CNTNAP5: variants seen among roughly 807,000 people sequenced by gnomAD.
CNTNAP5 encodes the protein contactin associated protein family member 5, also known as contactin-associated protein-like 5.
Under a neutral mutation model 150.2 loss-of-function variants are expected in CNTNAP5, and 72 were observed. The ratio of observed to expected loss-of-function variants is 0.48; its 90% CI spans 0.40 to 0.58. CNTNAP5 has a LOEUF of 0.58. Ranked by LOEUF, CNTNAP5 falls within the 20% of genes least tolerant of loss-of-function variation. The pLI is 0.00. For synonymous variants in CNTNAP5, 672 were observed against 619.8 expected (o/e 1.08, Z -1.25); for missense variants, 1,636 against 1,626.2 (o/e 1.01, Z -0.10).
chr2:124,326,339 A>G (rs1207202412), intron 3 of CNTNAP5, among the ~76,000 whole-genome samples: 1 of 152,210 alleles, frequency 6.6e-6, no homozygotes, highest in Non-Finnish European at 1.5e-5. Flanking sequence ...TTTTTCAGCC[A>G]AGATCTTCTG....
At chr2:124,798,383 C>A in intron 19 of CNTNAP5, 63 bp downstream of exon 19, 1 of 1,159,388 alleles carries the variant, frequency 8.6e-7, no homozygotes, top group Non-Finnish European at 1.3e-6. Context: ...GGTGCATGCC[C>A]TCCAGAACTC....
intron 7 of CNTNAP5, among the ~76,000 whole-genome samples, chr2:124,500,731 T>A (rs1694258767): frequency 6.6e-6 from 1 of 150,970 alleles, no homozygotes; most frequent in South Asian, 2.1e-4. Flanking sequence ...TAGGGGCAAA[T>A]GTCTACTCCA....
chr2:124,727,950 T>G (rs1573577181), intron 13 of CNTNAP5, among the ~76,000 whole-genome samples: 1 of 152,092 alleles, frequency 6.6e-6, no homozygotes, highest in Non-Finnish European at 1.5e-5. Context: ...GTTAGTCATA[T>G]ATGACCTTTA....
chr2:124,681,421 C>A (rs1679066820), intron 13 of CNTNAP5, among the ~76,000 whole-genome samples: 1 of 151,908 alleles, frequency 6.6e-6, no homozygotes, highest in African/African-American at 2.4e-5. Flanking sequence ...GTGTTCATGG[C>A]TGTTGCTGGT....
intron 13 of CNTNAP5, among the ~76,000 whole-genome samples, chr2:124,713,309 T>TTC (rs1558746882): frequency 8.6e-4 from 70 of 81,588 alleles, no homozygotes; most frequent in Admixed American, 1.9e-3. Flanking sequence ...TTCTTCTTTC[T>TTC]CTTTCTTTCC....
Position 124,255,850 on chromosome 2 carries a change from G to A in CNTNAP5, c.381+13457G>A, listed in dbSNP as rs148349709. On this transcript the variant is annotated intron_variant, in intron 3 of 23. Transcript: ENST00000682447. ...AAGGCTGTATCTTATCCAGATGCACGTATGCAGCCCAGGCACATAGTAGGT... is the reference window on the plus strand; with the variant it reads ...AAGGCTGTATCTTATCCAGATGCACATATGCAGCCCAGGCACATAGTAGGT... Among the ~76,000 whole-genome samples, 239 of 152,202 alleles carry A rather than the reference G, an allele frequency of 1.6e-3. 1 individual carries two copies. Among genetic ancestry groups the A allele is most frequent in the African/African-American group, 5.1e-3 (211 of 41,526 alleles).
intron 13 of CNTNAP5, among the ~76,000 whole-genome samples, chr2:124,717,032 A>G (rs1205145102): frequency 6.6e-6 from 1 of 152,178 alleles, no homozygotes; most frequent in Non-Finnish European, 1.5e-5. Context: ...TCTCTGGATG[A>G]TCATCCCCCG....
chr2:124,408,967 C>A (rs1332687081), intron 3 of CNTNAP5, among the ~76,000 whole-genome samples: 2 of 149,126 alleles, frequency 1.3e-5, no homozygotes, highest in East Asian at 2.0e-4. Context: ...AAACCAAAGG[C>A]AAAGAAGTTG....
intron 1 of CNTNAP5, among the ~76,000 whole-genome samples, chr2:124,216,432 A>G (rs1482972344): frequency 2.6e-5 from 4 of 152,042 alleles, no homozygotes; most frequent in Admixed American, 2.6e-4. Flanking sequence ...GTACATGTGC[A>G]CAACGTGCGG....
chr2:124,176,140 C>T (rs1573812477), intron 1 of CNTNAP5, among the ~76,000 whole-genome samples: 1 of 152,182 alleles, frequency 6.6e-6, no homozygotes, highest in Non-Finnish European at 1.5e-5. Context: ...TAATGTCTTC[C>T]TTGTTCTCCA....
intron 13 of CNTNAP5, among the ~76,000 whole-genome samples, chr2:124,674,672 G>A (rs1056508608): frequency 2.7e-5 from 4 of 150,630 alleles, no homozygotes; most frequent in African/African-American, 9.8e-5. Flanking sequence ...AAAAAGTTTG[G>A]GTATGTTCTG....
intron 3 of CNTNAP5, among the ~76,000 whole-genome samples, chr2:124,401,542 A>G (rs1691426112): frequency 6.6e-6 from 1 of 152,242 alleles, no homozygotes. Flanking sequence ...ATTCTAAATT[A>G]GTGTTTGGTT....
chr2:124,872,570 C>G (rs931932139), intron 21 of CNTNAP5, among the ~76,000 whole-genome samples: 3 of 151,526 alleles, frequency 2.0e-5, no homozygotes, highest in African/African-American at 2.4e-5. Context: ...TTTAATTTCT[C>G]ACTTTTTTTT....
At chr2:124,062,978 ATCT>A (rs1682055059) in intron 1 of CNTNAP5, among the ~76,000 whole-genome samples, 1 of 152,060 alleles carries the variant, frequency 6.6e-6, no homozygotes, top group African/African-American at 2.4e-5. Flanking sequence ...AGACTAGAAA[ATCT>A]TCTAATATTA....
At chr2:124,821,738 A>G (rs772009442) in intron 19 of CNTNAP5, among the ~76,000 whole-genome samples, 4 of 152,172 alleles carry the variant, frequency 2.6e-5, no homozygotes, top group Non-Finnish European at 5.9e-5. Context: ...TGATCCCTGG[A>G]CCTACAGTAC....
chr2:124,270,258 G>A (rs181188251), intron 3 of CNTNAP5, among the ~76,000 whole-genome samples: 8 of 151,876 alleles, frequency 5.3e-5, no homozygotes, highest in Admixed American at 3.3e-4. Context: ...GCAGGGAGCC[G>A]AGATTGCACC....
chr2:124,139,624 G>T lies in CNTNAP5; in HGVS notation c.83-82081G>T, dbSNP rs140284625. 7.2e-5 allele frequency among the ~76,000 whole-genome samples: 11 copies of T among 152,306 alleles called. No homozygotes were observed. The East Asian group carries it at 2.1e-3, about 29-fold the overall frequency. ...TCCTGTGCAGTGGTCTCCAGAGACCGGCGAAGGAGACTCTGATCTGTAATT... is the reference window on the plus strand; with the variant it reads ...TCCTGTGCAGTGGTCTCCAGAGACCTGCGAAGGAGACTCTGATCTGTAATT... On this transcript the variant is annotated intron_variant, in intron 1 of 23. Transcript: ENST00000682447.
chr2:124,262,981 A>T (rs1687498179), intron 3 of CNTNAP5, among the ~76,000 whole-genome samples: 1 of 152,004 alleles, frequency 6.6e-6, no homozygotes, highest in African/African-American at 2.4e-5. Context: ...ACATGAACTC[A>T]TCATTTTTTA....
chr2:124,564,556 G>A (rs1037434683), intron 11 of CNTNAP5, among the ~76,000 whole-genome samples: 16 of 152,030 alleles, frequency 1.1e-4, no homozygotes, highest in East Asian at 9.8e-4. Flanking sequence ...GGGTTTCACC[G>A]TGTTGGCCAG....
Sources: allele counts gnomAD v4.1 joint callset (sites outside exome capture counted in the v4.1 genomes callset), GRCh38; gene constraint gnomAD v4.1.1; transcripts MANE v1.5; gene names NCBI Gene and HGNC (gene_info 2026-07-23, HGNC 2026-07-21).